The following MYO16 variants were observed in gnomAD, a reference collection of about 807,000 sequenced individuals.
MYO16 encodes myosin XVI, also known as unconventional myosin-XVI.
A neutral mutation model predicts 205.3 loss-of-function variants in MYO16; 94 were observed. That is an observed-to-expected ratio of 0.46 (90% CI 0.39 to 0.54). MYO16 has a LOEUF of 0.54. Among genes scored for constraint, MYO16 ranks in the 20% least tolerant of loss-of-function variants. The probability of loss-of-function intolerance (pLI) is 0.00; values close to 1 mark genes in which losing one functional copy is unlikely to be tolerated. For missense variants in MYO16, 2,315 were observed against 2,387.5 expected (o/e 0.97, Z 0.63); for synonymous variants, 988 against 954.0 (o/e 1.04, Z -0.66).
intron 27 of MYO16, among the ~76,000 whole-genome samples, chr13:109,076,944 A>C (rs1052195082): frequency 6.6e-6 from 1 of 151,510 alleles, no homozygotes; most frequent in Non-Finnish European, 1.5e-5. Context: ...GCTGGATCTT[A>C]TATTATTTTA....
At chr13:108,740,659 A>G (rs1310825414) in intron 4 of MYO16, among the ~76,000 whole-genome samples, 1 of 152,048 alleles carries the variant, frequency 6.6e-6, no homozygotes, top group East Asian at 1.9e-4. Context: ...CTCTCTTCAA[A>G]GCTGTCAGAC....
chr13:109,042,816 C>T (rs527989066), intron 23 of MYO16, among the ~76,000 whole-genome samples: 17 of 152,290 alleles, frequency 1.1e-4, no homozygotes, highest in Admixed American at 3.3e-4. Context: ...AGCTCACCTG[C>T]TTCACAATTC....
chr13:108,796,916 T>G (rs1029766792), intron 6 of MYO16, among the ~76,000 whole-genome samples: 5 of 144,922 alleles, frequency 3.5e-5, no homozygotes, highest in African/African-American at 5.2e-5. Flanking sequence ...ACTTAAAGTA[T>G]AATTTAAAAA....
At chr13:109,085,455 G>A (rs959100803) in intron 27 of MYO16, among the ~76,000 whole-genome samples, 4 of 152,126 alleles carry the variant, frequency 2.6e-5, no homozygotes, top group Admixed American at 6.5e-5. Flanking sequence ...GAGAGAGGGC[G>A]GACCCAGTGG....
intron 4 of MYO16, among the ~76,000 whole-genome samples, chr13:108,747,106 A>G (rs1194188553): frequency 2.6e-5 from 4 of 152,230 alleles, no homozygotes; most frequent in Admixed American, 6.5e-5. Flanking sequence ...TCAGACAAAC[A>G]AAAGTTGAGC....
chr13:108,612,015 G>A (rs375293673), intron 1 of MYO16, among the ~76,000 whole-genome samples: 6 of 130,842 alleles, frequency 4.6e-5, no homozygotes, highest in East Asian at 4.3e-4. Flanking sequence ...TCGCTCTGTC[G>A]CCCAGGCTGG....
chr13:108,856,921 T>G (rs768619156), intron 11 of MYO16, among the ~76,000 whole-genome samples: 1 of 152,160 alleles, frequency 6.6e-6, no homozygotes, highest in Non-Finnish European at 1.5e-5. Context: ...CTCCCAGTCT[T>G]GAATCTTCTC....
chr13:108,828,090 T>A (rs368075), intron 9 of MYO16, among the ~76,000 whole-genome samples: 93,476 of 151,996 alleles, frequency 0.61, 29,622 homozygotes, highest in Middle Eastern at 0.72. Flanking sequence ...TAGTTTGGAT[T>A]ATTTCATTTA....
chr13:108,529,366 CT>C, the MYO16 span, among the ~76,000 whole-genome samples: 32 of 152,222 alleles, frequency 2.1e-4, no homozygotes, highest in Admixed American at 1.8e-3. Flanking sequence ...ATTTGCTGAA[CT>C]GCCAATCTGG....
intron 28 of MYO16, among the ~76,000 whole-genome samples, chr13:109,108,029 T>C (rs1163740866): frequency 6.6e-6 from 1 of 152,148 alleles, no homozygotes; most frequent in Non-Finnish European, 1.5e-5. Context: ...TACCTAAAGA[T>C]AACTACTGAA....
At chr13:109,098,548 A>G (rs889228240) in intron 27 of MYO16, among the ~76,000 whole-genome samples, 1 of 152,174 alleles carries the variant, frequency 6.6e-6, no homozygotes, top group Non-Finnish European at 1.5e-5. Flanking sequence ...GGGCGTTGTC[A>G]TGGAGAAGAA....
At chr13:108,528,913 G>A in the MYO16 span, among the ~76,000 whole-genome samples, 4 of 151,858 alleles carry the variant, frequency 2.6e-5, no homozygotes, top group Admixed American at 6.6e-5. Context: ...GTTTAGACCA[G>A]TGTAGGGTTT....
intron 29 of MYO16, among the ~76,000 whole-genome samples, chr13:109,123,461 CAAG>C (rs1175445605): frequency 3.9e-5 from 6 of 152,016 alleles, no homozygotes. Context: ...TTTAGTGTAA[CAAG>C]AAAGAACGAG....
At chr13:109,193,037 C>T (rs1879991145) in intron 34 of MYO16, among the ~76,000 whole-genome samples, 1 of 151,986 alleles carries the variant, frequency 6.6e-6, no homozygotes, top group South Asian at 2.1e-4. Context: ...AGGAATATTG[C>T]TAATAAGAAG....
chr13:109,163,153 G>C (rs940087865), intron 32 of MYO16, among the ~76,000 whole-genome samples: 4 of 112,468 alleles, frequency 3.6e-5, no homozygotes, highest in African/African-American at 1.2e-4. Context: ...ATCTTGACCT[G>C]CTTTCCTTTC....
At chr13:108,547,768 G>A in the MYO16 span, among the ~76,000 whole-genome samples, 1 of 152,158 alleles carries the variant, frequency 6.6e-6, no homozygotes, top group Non-Finnish European at 1.5e-5. Flanking sequence ...ACTTAAGACT[G>A]GATGAGTAGG....
intron 31 of MYO16, among the ~76,000 whole-genome samples, chr13:109,129,580 G>A (rs991468814): frequency 2.0e-5 from 3 of 152,018 alleles, no homozygotes; most frequent in Non-Finnish European, 4.4e-5. Context: ...TTAGATTTGC[G>A]GCCCATATCT....
At chr13:108,594,752 G>A (rs1878495716), upstream of MYO16, among the ~76,000 whole-genome samples, 1 of 152,184 alleles carries the variant, frequency 6.6e-6, no homozygotes, top group African/African-American at 2.4e-5. Context: ...CCAGCCCAGT[G>A]TTGCTGAGCG....
chr13:109,023,064 T>C (rs1886149768), intron 23 of MYO16, among the ~76,000 whole-genome samples: 2 of 132,524 alleles, frequency 1.5e-5, no homozygotes, highest in South Asian at 2.3e-4. Context: ...TATATGTTTA[T>C]ATTTATATAT....
Sources: gnomAD v4.1 joint callset for allele counts (sites outside exome capture counted in the v4.1 genomes callset) on GRCh38, gnomAD v4.1.1 for gene constraint, MANE v1.5 for transcripts, NCBI Gene and HGNC (gene_info 2026-07-23, HGNC 2026-07-21) for gene names.